KCNIP4: variants seen among roughly 807,000 people sequenced by gnomAD.
KCNIP4 encodes the protein potassium voltage-gated channel interacting protein 4.
Under a neutral mutation model 34.0 loss-of-function variants are expected in KCNIP4, and 12 were observed. The observed-to-expected ratio is 0.35, with a 90% CI of 0.23 to 0.57. KCNIP4 has a LOEUF of 0.57. Among genes scored for constraint, KCNIP4 ranks in the 20% least tolerant of loss-of-function variants. KCNIP4 has a pLI of 0.83. For synonymous variants in KCNIP4, 124 were observed against 102.2 expected (o/e 1.21, Z -1.29); for missense variants, 238 against 311.7 (o/e 0.76, Z 1.78).
intron 1 of KCNIP4, among the ~76,000 whole-genome samples, chr4:21,573,507 GATTT>G (rs1002383305): frequency 3.6e-4 from 55 of 151,892 alleles, no homozygotes; most frequent in East Asian, 1.5e-3. Flanking sequence ...CGTTCCTTGG[GATTT>G]ATTTTTTTTC....
At chr4:21,451,995 A>T (rs1207898616) in intron 1 of KCNIP4, among the ~76,000 whole-genome samples, 2 of 152,062 alleles carry the variant, frequency 1.3e-5, no homozygotes, top group African/African-American at 4.8e-5. Flanking sequence ...TGAAATAAGA[A>T]TTTCATACTT....
chr4:21,627,652 T>G (rs374627395), intron 1 of KCNIP4, among the ~76,000 whole-genome samples: 1 of 152,180 alleles, frequency 6.6e-6, no homozygotes, highest in African/African-American at 2.4e-5. Context: ...AAATTTTCCA[T>G]GAAGAACTTG....
intron 1 of KCNIP4, among the ~76,000 whole-genome samples, chr4:21,535,223 A>C (rs1334063264): frequency 6.6e-6 from 1 of 152,218 alleles, no homozygotes; most frequent in Non-Finnish European, 1.5e-5. Flanking sequence ...AAGAGCCAAA[A>C]TCTATAATTT....
intron 1 of KCNIP4, among the ~76,000 whole-genome samples, chr4:21,001,972 C>T (rs1738177198): frequency 6.6e-6 from 1 of 152,100 alleles, no homozygotes; most frequent in African/African-American, 2.4e-5. Flanking sequence ...TCATTAAAAC[C>T]CTTTGTAACT....
intron 1 of KCNIP4, among the ~76,000 whole-genome samples, chr4:21,641,862 T>C (rs1480387197): frequency 6.6e-6 from 1 of 152,134 alleles, no homozygotes; most frequent in Non-Finnish European, 1.5e-5. Context: ...CACTGCTGAG[T>C]GCCCAATGTG....
intron 1 of KCNIP4, chr4:21,844,411 T>G (rs1723881308): frequency 1.3e-5 from 2 of 152,084 alleles, no homozygotes. Flanking sequence ...TGGTTGGTAA[T>G]TATAAACAGA....
intron 1 of KCNIP4, among the ~76,000 whole-genome samples, chr4:21,500,964 T>C (rs999103509): frequency 1.3e-5 from 2 of 151,890 alleles, no homozygotes; most frequent in Non-Finnish European, 2.9e-5. Context: ...GCATTGTTAA[T>C]ACAGATCAGT....
At chr4:21,756,914 T>C (rs1224675181) in intron 1 of KCNIP4, among the ~76,000 whole-genome samples, 1 of 151,702 alleles carries the variant, frequency 6.6e-6, no homozygotes, top group Non-Finnish European at 1.5e-5. Flanking sequence ...CTGGCCATGA[T>C]GTGAAATCCC....
At chr4:21,746,686 A>G (rs1243808437) in intron 1 of KCNIP4, among the ~76,000 whole-genome samples, 4 of 152,146 alleles carry the variant, frequency 2.6e-5, no homozygotes, top group Non-Finnish European at 4.4e-5. Flanking sequence ...ATACCAAAAA[A>G]AAAATTGAAC....
At chr4:21,724,399 G>A (rs1193767271) in intron 1 of KCNIP4, among the ~76,000 whole-genome samples, 1 of 152,050 alleles carries the variant, frequency 6.6e-6, no homozygotes, top group Non-Finnish European at 1.5e-5. Context: ...ATACAAGTGA[G>A]ATATTTGGCA....
chr4:21,641,178 A>G (rs1412677940), intron 1 of KCNIP4, among the ~76,000 whole-genome samples: 1 of 152,244 alleles, frequency 6.6e-6, no homozygotes, highest in African/African-American at 2.4e-5. Context: ...CCCTAAATGC[A>G]CAAGTTACAT....
chr4:20,883,921 C>T (rs1382085453), intron 1 of KCNIP4, among the ~76,000 whole-genome samples: 1 of 152,152 alleles, frequency 6.6e-6, no homozygotes, highest in Admixed American at 6.5e-5. Flanking sequence ...ATCGAGGACG[C>T]CAAGTATGAT....
intron 1 of KCNIP4, among the ~76,000 whole-genome samples, chr4:20,937,803 G>T (rs76277327): frequency 6.6e-6 from 1 of 152,112 alleles, no homozygotes; most frequent in Non-Finnish European, 1.5e-5. Flanking sequence ...CCAGCTATAA[G>T]TCTGTCCAGG....
intron 1 of KCNIP4, among the ~76,000 whole-genome samples, chr4:21,417,245 A>T (rs1725032538): frequency 6.6e-6 from 1 of 152,002 alleles, no homozygotes; most frequent in South Asian, 2.1e-4. Flanking sequence ...CTGTATTTCC[A>T]TCACATGTTG....
intron 1 of KCNIP4, among the ~76,000 whole-genome samples, chr4:21,491,807 TG>T (rs138069418): frequency 0.038 from 5,742 of 152,284 alleles, 323 homozygotes; most frequent in African/African-American, 0.12. Flanking sequence ...TCTATAGGTT[TG>T]GGTGCTGTTC....
chr4:21,655,602 T>C (rs1347042650), intron 1 of KCNIP4, among the ~76,000 whole-genome samples: 1 of 152,234 alleles, frequency 6.6e-6, no homozygotes, highest in Admixed American at 6.5e-5. Context: ...ATGAGAATAT[T>C]GACATCACAT....
intron 1 of KCNIP4, among the ~76,000 whole-genome samples, chr4:21,230,848 G>T (rs1309229887): frequency 2.0e-5 from 3 of 152,070 alleles, no homozygotes; most frequent in Non-Finnish European, 4.4e-5. Flanking sequence ...CTTTATAATA[G>T]AATGATTTAT....
intron 1 of KCNIP4, among the ~76,000 whole-genome samples, chr4:21,787,505 T>C (rs1719991719): frequency 6.6e-6 from 1 of 152,334 alleles, no homozygotes; most frequent in East Asian, 1.9e-4. Context: ...ATGCTCTTTG[T>C]CATTTATTTC....
At chr4:21,100,322 G>A (rs770370358) in intron 1 of KCNIP4, among the ~76,000 whole-genome samples, 7 of 152,086 alleles carry the variant, frequency 4.6e-5, no homozygotes, top group Non-Finnish European at 1.0e-4. Flanking sequence ...AGGCCAAGCC[G>A]GGCAGATTAC....
Sources: gnomAD v4.1 joint callset for allele counts (sites outside exome capture counted in the v4.1 genomes callset) on GRCh38, gnomAD v4.1.1 for gene constraint, MANE v1.5 for transcripts, NCBI Gene and HGNC (gene_info 2026-07-23, HGNC 2026-07-21) for gene names.